The following NUP155 variants were observed in gnomAD, a reference collection of about 807,000 sequenced individuals.
NUP155 encodes nuclear pore complex protein Nup155.
Under a neutral mutation model 180.4 loss-of-function variants are expected in NUP155, and 71 were observed. The ratio of observed to expected loss-of-function variants is 0.39; its 90% CI spans 0.33 to 0.48. The LOEUF (loss-of-function observed/expected upper bound fraction) is 0.48, where lower values mean the gene tolerates loss of function less well. NUP155 is among the 20% of genes least tolerant of loss of function. The pLI is 0.91. For missense variants in NUP155, 1,553 were observed against 1,648.9 expected, an observed-to-expected ratio of 0.94 and a Z score of 1.01; for synonymous variants, 582 against 559.5, an observed-to-expected ratio of 1.04 and a Z score of -0.57.
intron 27 of NUP155, 83 bp downstream of exon 27, chr5:37,304,656 T>A (rs1743054124): frequency 9.9e-7 from 1 of 1,006,690 alleles, no homozygotes; most frequent in Non-Finnish European, 1.5e-6. Context: ...GAAACTGAAT[T>A]TTTTACATCT....
intron 1 of NUP155, among the ~76,000 whole-genome samples, chr5:37,365,949 G>A (rs1358672699): frequency 6.6e-6 from 1 of 151,448 alleles, no homozygotes; most frequent in Non-Finnish European, 1.5e-5. Context: ...TAATGACTGG[G>A]GGAAAATACT....
intron 13 of NUP155, among the ~76,000 whole-genome samples, chr5:37,332,182 A>T (rs1295768794): frequency 6.6e-6 from 1 of 151,636 alleles, no homozygotes; most frequent in Non-Finnish European, 1.5e-5. Context: ...AAAAAAAAAA[A>T]AAAAAGCTAG....
intron 9 of NUP155, among the ~76,000 whole-genome samples, chr5:37,343,736 C>G (rs993277895): frequency 2.0e-5 from 3 of 151,276 alleles, no homozygotes; most frequent in South Asian, 2.1e-4. Context: ...ACTAAAAATA[C>G]AAAAAAATTA....
chr5:37,330,753 A>C (rs956642020), intron 14 of NUP155, among the ~76,000 whole-genome samples: 6 of 152,188 alleles, frequency 3.9e-5, no homozygotes, highest in Admixed American at 1.3e-4. Flanking sequence ...ACAAACAAAC[A>C]AACCAAAAAC....
chr5:37,363,849 TCCAATCAC>T, intron 3 of NUP155, 31 bp downstream of exon 3: 1 of 1,319,548 alleles, frequency 7.6e-7, no homozygotes, highest in Non-Finnish European at 1.1e-6. Context: ...TTATATAAAT[TCCAATCAC>T]CCTTAAAGCA....
chr5:37,309,166 T>G lies in NUP155; in HGVS notation c.2730A>C (p.Gln910His). 6.2e-7 allele frequency: 1 copy of G among 1,613,792 alleles called. No individual in the cohort carries two copies. ...SLKEYQKISN[Q>H]VDLSNVCAQY... ...GAGCACAAACATTGGAAAGGTCCACTTGATTGCTAATTTTTTGATATTCCT... is the reference window on the plus strand; with the variant it reads ...GAGCACAAACATTGGAAAGGTCCACGTGATTGCTAATTTTTTGATATTCCT... The change falls in exon 24 of 35, where the codon CAA (glutamine) becomes CAC (histidine). Residue 910 changes from glutamine to histidine, a missense_variant. Physicochemically the swap from Gln to His is conservative, Grantham distance 24. Coordinates refer to ENST00000231498, the MANE Select transcript of NUP155 (RefSeq NM_153485.3).
At chr5:37,307,210 A>C (rs1743210613) in intron 25 of NUP155, 87 bp downstream of exon 25, 5 of 1,411,754 alleles carry the variant, frequency 3.5e-6, no homozygotes, top group African/African-American at 1.5e-5. Context: ...AAAAAAAAAA[A>C]AAACATAAAA....
chr5:37,348,389 T>A, intron 9 of NUP155, 116 bp downstream of exon 9: 1 of 755,226 alleles, frequency 1.3e-6, no homozygotes, highest in Non-Finnish European at 2.4e-6. Context: ...CTCTTCAACA[T>A]TCCTTGTCTT....
chr5:37,366,739 C>A (rs1341791113), intron 1 of NUP155, among the ~76,000 whole-genome samples: 1 of 151,926 alleles, frequency 6.6e-6, no homozygotes, highest in Non-Finnish European at 1.5e-5. Flanking sequence ...GCAAGCTCCA[C>A]CACCTGGGTT....
intron 9 of NUP155, 22 bp downstream of exon 9, chr5:37,348,483 T>A (rs1746246949): frequency 1.4e-6 from 2 of 1,435,244 alleles, no homozygotes; most frequent in Middle Eastern, 1.7e-4. Flanking sequence ...AATGAAATGC[T>A]TAATAATAAA....
chr5:37,326,712 A>G (rs918431456), intron 18 of NUP155, among the ~76,000 whole-genome samples: 6 of 152,228 alleles, frequency 3.9e-5, no homozygotes, highest in South Asian at 2.1e-4. Flanking sequence ...AGCCAAGATA[A>G]GCATAGCTCT....
intron 6 of NUP155, 77 bp downstream of exon 6, chr5:37,351,113 T>C: frequency 8.6e-7 from 1 of 1,159,850 alleles, no homozygotes; most frequent in Non-Finnish European, 1.3e-6. Context: ...CTTATATAAT[T>C]AGAAAACAAA....
In NUP155 at chr5:37,288,779, T is replaced by TGGGGGGGG. The variant is rs1303278690; in HGVS notation, c.*3120_*3121insCCCCCCCC. 4.4e-5 allele frequency: 2 copies of TGGGGGGGG among 45,714 alleles called. No homozygotes were observed. Among genetic ancestry groups the TGGGGGGGG allele is most frequent in the Admixed American group, 2.6e-4 (1 of 3,886 alleles). The allele number at this position is 45,714 out of a possible 1,614,324, so 2.8% of individuals were successfully genotyped here. On this transcript the variant is annotated 3_prime_UTR_variant, in exon 35 of 35. Coordinates refer to ENST00000231498, the MANE Select transcript of NUP155 (RefSeq NM_153485.3). ...AAAAAAAAAAAAAAAGTAGGGGGGG[T>TGGGGGGGG]GGGGCTAGGCGCAGTGGCTCATGCC... is the stretch of plus-strand genomic sequence containing the variant.
chr5:37,314,664 G>A (rs1409412458), intron 21 of NUP155, among the ~76,000 whole-genome samples: 1 of 151,538 alleles, frequency 6.6e-6, no homozygotes, highest in African/African-American at 2.4e-5. Context: ...GGTAAAACTC[G>A]GTCTCTACTA....
intron 25 of NUP155, among the ~76,000 whole-genome samples, chr5:37,306,052 T>C (rs147423543): frequency 6.6e-6 from 1 of 152,302 alleles, no homozygotes; most frequent in Non-Finnish European, 1.5e-5. Flanking sequence ...TGAGAAGTGT[T>C]TGGTTAAACA....
intron 11 of NUP155, among the ~76,000 whole-genome samples, chr5:37,338,467 C>T (rs909857404): frequency 1.4e-5 from 2 of 145,266 alleles, no homozygotes; most frequent in South Asian, 2.2e-4. Context: ...AGTGCAGTGG[C>T]GCGATCTCGG....
intron 24 of NUP155, among the ~76,000 whole-genome samples, chr5:37,308,370 T>C (rs1017686690): frequency 2.2e-4 from 33 of 152,024 alleles, no homozygotes; most frequent in Non-Finnish European, 3.7e-4. Flanking sequence ...CTGGCTAACA[T>C]GGTAAAACCC....
At chr5:37,296,005 G>A (rs1199804488) in intron 32 of NUP155, among the ~76,000 whole-genome samples, 20 of 139,192 alleles carry the variant, frequency 1.4e-4, no homozygotes, top group Admixed American at 1.1e-3. Context: ...AGGGAGGAGG[G>A]GGGGGTCAGC....
intron 25 of NUP155, among the ~76,000 whole-genome samples, chr5:37,306,022 A>T (rs1373436142): frequency 6.6e-6 from 1 of 152,210 alleles, no homozygotes; most frequent in Non-Finnish European, 1.5e-5. Context: ...AATACAAACC[A>T]TATACTTTTT....
Sources: allele counts gnomAD v4.1 joint callset (sites outside exome capture counted in the v4.1 genomes callset), GRCh38; gene constraint gnomAD v4.1.1; transcripts MANE v1.5; gene names NCBI Gene and HGNC (gene_info 2026-07-23, HGNC 2026-07-21).